Variants in HS6ST3 observed in about 807,000 individuals in gnomAD.
HS6ST3 encodes the protein heparan sulfate 6-O-sulfotransferase 3.
HS6ST3 carries 12 observed loss-of-function variants against 36.7 expected under a neutral mutation model. The ratio of observed to expected loss-of-function variants is 0.33; its 90% CI spans 0.21 to 0.53. HS6ST3 has a LOEUF of 0.53. HS6ST3 is among the 20% of genes least tolerant of loss of function. The pLI is 0.95. For missense variants in HS6ST3, 584 were observed against 640.9 expected (o/e 0.91, Z 0.96); for synonymous variants, 240 against 257.5 (o/e 0.93, Z 0.65).
chr13:96,414,565 T>A (rs1648507160), intron 1 of HS6ST3, among the ~76,000 whole-genome samples: 1 of 151,738 alleles, frequency 6.6e-6, no homozygotes, highest in African/African-American at 2.4e-5. Flanking sequence ...TCACTGCTAC[T>A]TCTGCCTCCT....
chr13:96,229,352 T>C (rs964419091), intron 1 of HS6ST3, among the ~76,000 whole-genome samples: 1 of 152,186 alleles, frequency 6.6e-6, no homozygotes, highest in Admixed American at 6.5e-5. Flanking sequence ...GCTGCTATAA[T>C]AAAATACCAT....
In HS6ST3 at chr13:96,268,693, T is replaced by G. The variant is rs1411514801; in HGVS notation, c.707+177124T>G. ...ACTCTTACTGGATATAGATGTGAGA[T>G]ATTCCTATATTATACAACACTGAAA... On this transcript the variant is annotated intron_variant, in intron 1 of 1. Coordinates refer to ENST00000376705, the MANE Select transcript of HS6ST3 (RefSeq NM_153456.4). Among the ~76,000 whole-genome samples the G allele has an allele frequency of 3.3e-5, 5 of 152,002 alleles. 1 individual carries two copies. The highest frequency in any genetic ancestry group is 1.2e-4 in the African/African-American group (5 of 41,276).
At chr13:96,434,586 C>T (rs1170889139) in intron 1 of HS6ST3, among the ~76,000 whole-genome samples, 1 of 152,098 alleles carries the variant, frequency 6.6e-6, no homozygotes, top group East Asian at 1.9e-4. Context: ...GTCTTTATTA[C>T]AGCCCTTTCT....
intron 1 of HS6ST3, among the ~76,000 whole-genome samples, chr13:96,416,810 TG>T (rs1594775502): frequency 6.6e-6 from 1 of 151,092 alleles, no homozygotes; most frequent in East Asian, 1.9e-4. Flanking sequence ...TAGAGTGCAG[TG>T]GCACGATCTC....
chr13:96,744,404 A>G (rs960021807), intron 1 of HS6ST3, among the ~76,000 whole-genome samples: 5 of 152,150 alleles, frequency 3.3e-5, no homozygotes, highest in African/African-American at 1.2e-4. Flanking sequence ...AGGGTAAATC[A>G]ATAACTCCTA....
intron 1 of HS6ST3, among the ~76,000 whole-genome samples, chr13:96,732,249 G>A (rs1876174731): frequency 6.6e-6 from 1 of 151,928 alleles, no homozygotes; most frequent in Non-Finnish European, 1.5e-5. Context: ...TTTAAATCAG[G>A]TTATTTCCTT....
intron 1 of HS6ST3, among the ~76,000 whole-genome samples, chr13:96,755,328 A>T (rs1012857490): frequency 9.2e-5 from 14 of 151,972 alleles, no homozygotes; most frequent in Non-Finnish European, 2.1e-4. Flanking sequence ...AGCTGCATGT[A>T]TCAGTAGTTC....
chr13:96,696,628 G>A (rs534000695), intron 1 of HS6ST3, among the ~76,000 whole-genome samples: 12 of 152,276 alleles, frequency 7.9e-5, no homozygotes, highest in African/African-American at 2.9e-4. Context: ...TGTGTTTCCG[G>A]GAGGTCTGTT....
intron 1 of HS6ST3, among the ~76,000 whole-genome samples, chr13:96,259,328 C>T (rs959531830): frequency 1.3e-5 from 2 of 152,084 alleles, no homozygotes; most frequent in Non-Finnish European, 2.9e-5. Flanking sequence ...GGATTTTATG[C>T]AAGTACTGAC....
chr13:96,190,664 C>T (rs1385128544), intron 1 of HS6ST3, among the ~76,000 whole-genome samples: 1 of 152,126 alleles, frequency 6.6e-6, no homozygotes, highest in Non-Finnish European at 1.5e-5. Context: ...GGAGACAGCA[C>T]TAAGCAGGTA....
At chr13:96,632,258 G>A (rs1024707824) in intron 1 of HS6ST3, among the ~76,000 whole-genome samples, 1 of 152,044 alleles carries the variant, frequency 6.6e-6, no homozygotes, top group Non-Finnish European at 1.5e-5. Flanking sequence ...TCAAATGCTG[G>A]TGCCTCAATC....
intron 1 of HS6ST3, among the ~76,000 whole-genome samples, chr13:96,760,353 A>C (rs2138499362): frequency 6.6e-6 from 1 of 152,078 alleles, no homozygotes; most frequent in Middle Eastern, 3.4e-3. Context: ...TTGACTTCAT[A>C]TGGAATTATT....
intron 1 of HS6ST3, among the ~76,000 whole-genome samples, chr13:96,794,936 A>G (rs1566455535): frequency 6.6e-6 from 1 of 152,122 alleles, no homozygotes; most frequent in Non-Finnish European, 1.5e-5. Flanking sequence ...AGATGGAAGC[A>G]ACATGCACAT....
intron 1 of HS6ST3, among the ~76,000 whole-genome samples, chr13:96,598,097 A>T (rs2056408428): frequency 6.6e-6 from 1 of 152,144 alleles, no homozygotes; most frequent in Admixed American, 6.6e-5. Context: ...ATTTGGAGTT[A>T]GATAATGTGA....
At chr13:96,262,047 T>G (rs1352567490) in intron 1 of HS6ST3, among the ~76,000 whole-genome samples, 3 of 152,170 alleles carry the variant, frequency 2.0e-5, no homozygotes, top group Admixed American at 6.5e-5. Context: ...GATTTATCCC[T>G]GTGGTGTTTA....
chr13:96,183,041 G>A (rs375790782), intron 1 of HS6ST3, among the ~76,000 whole-genome samples: 1 of 152,184 alleles, frequency 6.6e-6, no homozygotes, highest in Non-Finnish European at 1.5e-5. Flanking sequence ...ATTCTAGATG[G>A]CAGTAGAAAC....
At chr13:96,676,472 A>C (rs994176922) in intron 1 of HS6ST3, among the ~76,000 whole-genome samples, 2 of 152,172 alleles carry the variant, frequency 1.3e-5, no homozygotes, top group African/African-American at 4.8e-5. Flanking sequence ...CCTCCATTAC[A>C]GGTCCAGTAA....
chr13:96,515,001 A>G (rs1164593928), intron 1 of HS6ST3, among the ~76,000 whole-genome samples: 3 of 152,212 alleles, frequency 2.0e-5, no homozygotes, highest in African/African-American at 7.2e-5. Flanking sequence ...CAAGGCAACA[A>G]TGATTATGCA....
intron 1 of HS6ST3, among the ~76,000 whole-genome samples, chr13:96,685,541 A>G (rs1417747566): frequency 2.0e-5 from 3 of 152,096 alleles, no homozygotes; most frequent in Non-Finnish European, 4.4e-5. Context: ...TGAACCTGAC[A>G]TCATGAGCTA....
Sources: gnomAD v4.1 joint callset for allele counts (sites outside exome capture counted in the v4.1 genomes callset) on GRCh38, gnomAD v4.1.1 for gene constraint, MANE v1.5 for transcripts, NCBI Gene and HGNC (gene_info 2026-07-23, HGNC 2026-07-21) for gene names.